The following DMD variants were observed in gnomAD, a reference collection of about 807,000 sequenced individuals.
DMD encodes the protein mutant dystrophin.
In DMD, 63 loss-of-function variants were observed where a neutral mutation model predicts 330.1. The ratio of observed to expected loss-of-function variants is 0.19; its 90% CI spans 0.16 to 0.24. DMD has a LOEUF of 0.24. Among genes scored for constraint, DMD ranks in the 10% least tolerant of loss-of-function variants. The pLI is 1.00. For synonymous variants in DMD, 1,223 were observed against 959.8 expected (o/e 1.27, Z -5.07); for missense variants, 3,344 against 2,684.1 (o/e 1.25, Z -5.43).
intron 44 of DMD, among the ~76,000 whole-genome samples, chrX:32,063,069 G>A (rs1007546481): frequency 9.1e-6 from 1 of 110,448 alleles, no homozygotes; most frequent in Non-Finnish European, 1.9e-5. Context: ...ATTCAATTAA[G>A]TCAATTCAGC....
At chrX:31,416,540 A>T (rs2061881421) in intron 60 of DMD, among the ~76,000 whole-genome samples, 1 of 112,272 alleles carries the variant, frequency 8.9e-6, no homozygotes, top group Non-Finnish European at 1.9e-5. Flanking sequence ...TCTAAAGGTA[A>T]GAGAATACTG....
intron 11 of DMD, among the ~76,000 whole-genome samples, chrX:32,634,262 A>T (rs1432083047): frequency 8.9e-6 from 1 of 111,956 alleles, no homozygotes; most frequent in Non-Finnish European, 1.9e-5. Flanking sequence ...GGCAGTAAGA[A>T]AATGGAATCC....
chrX:31,733,571 T>C (rs1480797851), intron 51 of DMD, among the ~76,000 whole-genome samples: 1 of 111,715 alleles, frequency 9.0e-6, no homozygotes, highest in Non-Finnish European at 1.9e-5. Context: ...ATTTACAACT[T>C]CAAAAAATTA....
In DMD at chrX:31,312,334, T is replaced by C. The variant is rs751327172; in HGVS notation, c.9224+11264A>G. Among the ~76,000 whole-genome samples, 18 of 111,925 alleles carry C rather than the reference T, an allele frequency of 1.6e-4. No homozygotes were observed. In the South Asian group the frequency reaches 3.0e-3, roughly 18 times the overall value. ...CACTTCTCAAAAGAAGACATTTACA[T>C]GGCCAACAAACATATGAAAAAAAGC... On this transcript the variant is annotated intron_variant, in intron 62 of 78. Coordinates refer to ENST00000357033, the MANE Select transcript of DMD (RefSeq NM_004006.3).
chrX:31,989,019 A>T (rs1446520325), intron 44 of DMD, among the ~76,000 whole-genome samples: 2 of 112,181 alleles, frequency 1.8e-5, no homozygotes, highest in South Asian at 3.7e-4. Context: ...CAAGGTTTCA[A>T]TTCAAGCTCA....
At position 32,362,808 on chromosome X, in the gene DMD, G is replaced by A. The variant is rs771548119; in HGVS notation, c.5305C>T (p.His1769Tyr). 9 of 1,209,060 alleles carry A rather than the reference G, an allele frequency of 7.4e-6. No individual in the cohort carries two copies. Among genetic ancestry groups the A allele is most frequent in the Admixed American group, 2.2e-5 (1 of 45,532 alleles). ...ELNHRFAAISHRIKTGKASIP... is the reference protein window; with the variant it reads ...ELNHRFAAISYRIKTGKASIP... ...CCTACCTTTCCAGTCTTAATTCTGT[G>A]TGAAATGGCTGCAAATCGATGGTTG... Residue 1769 changes from histidine to tyrosine, a missense_variant, in exon 37 of 79, where the codon CAC becomes TAC. Physicochemically the swap from His to Tyr is moderately conservative, Grantham distance 83. Coordinates refer to ENST00000357033, the MANE Select transcript of DMD (RefSeq NM_004006.3).
At chrX:32,745,182 AAG>A (rs1489771431) in intron 7 of DMD, among the ~76,000 whole-genome samples, 4 of 112,447 alleles carry the variant, frequency 3.6e-5, no homozygotes, top group Non-Finnish European at 7.5e-5. Context: ...AAGCCAGAGA[AAG>A]AGAAAGAGGA....
intron 64 of DMD, among the ~76,000 whole-genome samples, chrX:31,215,298 G>A (rs1336676013): frequency 9.3e-6 from 1 of 107,899 alleles, no homozygotes; most frequent in Non-Finnish European, 1.9e-5. Flanking sequence ...CCTACGGAGA[G>A]GTTTAAAATA....
chrX:32,029,947 T>C (rs1215553059), intron 44 of DMD, among the ~76,000 whole-genome samples: 1 of 111,416 alleles, frequency 9.0e-6, no homozygotes, highest in Non-Finnish European at 1.9e-5. Flanking sequence ...TCTACATGCT[T>C]AGCAACCAGA....
At chrX:33,175,876 C>G (rs747121401) in intron 1 of DMD, among the ~76,000 whole-genome samples, 7 of 111,442 alleles carry the variant, frequency 6.3e-5, no homozygotes, top group Non-Finnish European at 1.3e-4. Context: ...TGTTCCAGAC[C>G]TTATTATATG....
chrX:32,477,213 A>G (rs1320699968), intron 21 of DMD, among the ~76,000 whole-genome samples: 1 of 110,911 alleles, frequency 9.0e-6, no homozygotes, highest in African/African-American at 3.3e-5. Context: ...AATATAAGTG[A>G]TTGCAAGCTT....
At chrX:32,279,734 A>C (rs2097406172) in intron 43 of DMD, among the ~76,000 whole-genome samples, 1 of 109,603 alleles carries the variant, frequency 9.1e-6, no homozygotes, top group Non-Finnish European at 1.9e-5. Flanking sequence ...AGAAAGAATG[A>C]ACACCACCTA....
chrX:31,407,967 G>A lies in DMD; in HGVS notation c.9084+36514C>T, dbSNP rs184766314. Among the ~76,000 whole-genome samples the A allele has an allele frequency of 6.7e-3, 745 of 111,591 alleles. 7 individuals carry two copies. The highest frequency in any genetic ancestry group is 0.023 in the African/African-American group (713 of 30,736). On this transcript the variant is annotated intron_variant, in intron 60 of 78. Coordinates refer to ENST00000357033, the MANE Select transcript of DMD (RefSeq NM_004006.3). ...AAAAATTTATTAAATTATGAAACAG[G>A]ATAAAACTGGACATAATGAGACAAA...
intron 37 of DMD, among the ~76,000 whole-genome samples, chrX:32,351,939 T>A: frequency 1.8e-5 from 2 of 110,864 alleles, no homozygotes; most frequent in African/African-American, 6.5e-5. Flanking sequence ...CTTAGACTTC[T>A]TTAGTTCAAT....
chrX:32,798,155 T>A (rs962062295), intron 7 of DMD, among the ~76,000 whole-genome samples: 1 of 111,796 alleles, frequency 8.9e-6, no homozygotes, highest in Non-Finnish European at 1.9e-5. Flanking sequence ...CAAGCCAGGC[T>A]CCCGCACACA....
chrX:33,236,017 G>C (rs1356366755), intron 1 of DMD, among the ~76,000 whole-genome samples: 7 of 104,860 alleles, frequency 6.7e-5, no homozygotes, highest in Non-Finnish European at 1.2e-4. Flanking sequence ...CCGGGTTCAT[G>C]CCATTCTCCT....
intron 21 of DMD, among the ~76,000 whole-genome samples, chrX:32,474,771 T>A (rs187702321): frequency 8.9e-6 from 1 of 111,792 alleles, no homozygotes; most frequent in Non-Finnish European, 1.9e-5. Flanking sequence ...GTCAGATGTA[T>A]AGATTGTGAA....
At chrX:31,518,809 A>C (rs757883248) in intron 55 of DMD, among the ~76,000 whole-genome samples, 1 of 111,341 alleles carries the variant, frequency 9.0e-6, no homozygotes, top group East Asian at 2.8e-4. Context: ...TATACAAATC[A>C]TAGAGTTGTT....
intron 49 of DMD, among the ~76,000 whole-genome samples, chrX:31,820,328 G>C (rs750726782): frequency 1.8e-5 from 2 of 112,127 alleles, no homozygotes; most frequent in Non-Finnish European, 3.8e-5. Context: ...AAAGGAAGTA[G>C]AGTGCAAACA....
Sources: gnomAD v4.1 joint callset for allele counts (sites outside exome capture counted in the v4.1 genomes callset) on GRCh38, gnomAD v4.1.1 for gene constraint, MANE v1.5 for transcripts, NCBI Gene and HGNC (gene_info 2026-07-23, HGNC 2026-07-21) for gene names.